CAST: variants seen among roughly 807,000 people sequenced by gnomAD.
CAST encodes MIR583 host.
In CAST, 76 loss-of-function variants were observed where a neutral mutation model predicts 119.6. That is an observed-to-expected ratio of 0.64 (90% confidence interval 0.53 to 0.77). The LOEUF (loss-of-function observed/expected upper bound fraction) is 0.77. Ranked by LOEUF, CAST falls within the 30% of genes least tolerant of loss-of-function variation. CAST has a pLI of 0.00. For synonymous variants in CAST, 319 were observed against 331.6 expected (o/e 0.96, Z 0.41); for missense variants, 953 against 946.5 (o/e 1.01, Z -0.09).
chr5:96,496,231 A>G, the CAST span, among the ~76,000 whole-genome samples: 1 of 152,120 alleles, frequency 6.6e-6, no homozygotes, highest in Non-Finnish European at 1.5e-5. Context: ...TTTTAATTTT[A>G]TCATATTTTG....
chr5:96,162,472 C>T, the CAST span, among the ~76,000 whole-genome samples: 1 of 152,166 alleles, frequency 6.6e-6, no homozygotes, highest in Non-Finnish European at 1.5e-5. Flanking sequence ...GGCTGGAGTG[C>T]AGTGGGGTGA....
chr5:96,006,553 A>T, the CAST span, among the ~76,000 whole-genome samples: 2 of 152,142 alleles, frequency 1.3e-5, no homozygotes. Flanking sequence ...CCTATTTCAT[A>T]GGATTAAGTG....
At chr5:96,408,310 A>T in the CAST span, 1 of 1,613,784 alleles carries the variant, frequency 6.2e-7, no homozygotes, top group Non-Finnish European at 8.5e-7. Context: ...GTCATTGTGC[A>T]GGTCAGCGCT....
rs777985645 is a variant in CAST, at chr5:96,766,116, T to A, written c.2101T>A (p.Tyr701Asn). ...GERDDTIPPEYRHLLDDNGQD... is the reference protein window; with the variant it reads ...GERDDTIPPENRHLLDDNGQD... Reference sequence around the variant, plus strand: ...AAGAGATGACACTATCCCACCTGAATACAGACATCTCCTGGATGATAATGG... The same window carrying A: ...AAGAGATGACACTATCCCACCTGAAAACAGACATCTCCTGGATGATAATGG... The change falls in exon 27 of 32, where the codon TAC (tyrosine) becomes AAC (asparagine). Residue 701 changes from tyrosine (Y) to asparagine (N), a missense_variant. Tyr to Asn is a moderately radical substitution (Grantham distance 143, BLOSUM62 -2). Transcript: ENST00000675179. 1 of 1,609,468 alleles carries A rather than the reference T, an allele frequency of 6.2e-7. No homozygotes were observed.
At chr5:96,003,837 T>C in the CAST span, among the ~76,000 whole-genome samples, 1 of 152,226 alleles carries the variant, frequency 6.6e-6, no homozygotes, top group Non-Finnish European at 1.5e-5. Context: ...CATTTTCAAT[T>C]CTCAGATCTT....
At chr5:95,997,384 T>C in the CAST span, among the ~76,000 whole-genome samples, 1 of 152,136 alleles carries the variant, frequency 6.6e-6, no homozygotes, top group African/African-American at 2.4e-5. Flanking sequence ...AAACAGCATT[T>C]GTGAAATAGT....
intron 3 of CAST, among the ~76,000 whole-genome samples, chr5:96,721,168 T>C (rs1216558011): frequency 6.6e-6 from 1 of 152,162 alleles, no homozygotes; most frequent in Admixed American, 6.6e-5. Flanking sequence ...CATGCCCTGC[T>C]ACAGTGACTG....
chr5:96,625,864 G>C (rs191415653), intron 1 of CAST, among the ~76,000 whole-genome samples: 2 of 152,164 alleles, frequency 1.3e-5, no homozygotes, highest in Non-Finnish European at 2.9e-5. Context: ...AGCAGTGCAG[G>C]CCTATCCCTG....
intron 1 of CAST, among the ~76,000 whole-genome samples, chr5:96,539,813 G>T (rs1444130187): frequency 6.6e-6 from 1 of 152,050 alleles, no homozygotes; most frequent in Non-Finnish European, 1.5e-5. Flanking sequence ...GGCTTCAATT[G>T]GTGTATTTAC....
At chr5:96,325,031 C>T in the CAST span, among the ~76,000 whole-genome samples, 1 of 152,022 alleles carries the variant, frequency 6.6e-6, no homozygotes, top group Admixed American at 6.6e-5. Context: ...ATGGTGAAAC[C>T]TCGTCTCTAC....
the CAST span, among the ~76,000 whole-genome samples, chr5:96,311,931 G>A: frequency 3.3e-5 from 5 of 151,790 alleles, no homozygotes; most frequent in Non-Finnish European, 7.4e-5. Context: ...TATAGGTAAG[G>A]ACTTATTATT....
the CAST span, among the ~76,000 whole-genome samples, chr5:96,428,087 C>T: frequency 3.3e-5 from 5 of 152,130 alleles, no homozygotes; most frequent in Non-Finnish European, 5.9e-5. Flanking sequence ...TACATTCGAA[C>T]ACTGGTGACC....
the CAST span, among the ~76,000 whole-genome samples, chr5:96,249,198 T>A: frequency 7.5e-3 from 1,144 of 152,308 alleles, 9 homozygotes; most frequent in African/African-American, 0.025. Context: ...AATTGACAGG[T>A]TATCTGCCGT....
intron 1 of CAST, among the ~76,000 whole-genome samples, chr5:96,608,820 C>T (rs1376421479): frequency 6.6e-6 from 1 of 152,078 alleles, no homozygotes; most frequent in Non-Finnish European, 1.5e-5. Context: ...TCTTCCAAGG[C>T]CAGAGCAGGC....
the CAST span, among the ~76,000 whole-genome samples, chr5:96,272,617 T>A: frequency 6.6e-6 from 1 of 151,886 alleles, no homozygotes; most frequent in Non-Finnish European, 1.5e-5. Flanking sequence ...AGAGGGGGGA[T>A]GAAGGGAGGC....
At chr5:96,608,851 GT>G (rs1266257621) in intron 1 of CAST, among the ~76,000 whole-genome samples, 30 of 152,084 alleles carry the variant, frequency 2.0e-4, no homozygotes, top group Admixed American at 2.0e-3. Context: ...GCAGGAGGAG[GT>G]GCTACACACT....
chr5:96,743,650 T>C, intron 16 of CAST: 2 of 1,613,396 alleles, frequency 1.2e-6, no homozygotes, highest in Non-Finnish European at 1.7e-6. Context: ...TATCTTCGAC[T>C]TTCTTGGAGG....
At chr5:96,420,081 G>A in the CAST span, among the ~76,000 whole-genome samples, 1 of 152,046 alleles carries the variant, frequency 6.6e-6, no homozygotes, top group Non-Finnish European at 1.5e-5. Context: ...TAACCAAGGG[G>A]GTGGAATGAA....
At chr5:96,636,693 A>G (rs1298606518) in intron 1 of CAST, among the ~76,000 whole-genome samples, 1 of 152,250 alleles carries the variant, frequency 6.6e-6, no homozygotes, top group African/African-American at 2.4e-5. Flanking sequence ...AAGGTTGAGT[A>G]GCATTTGGAA....
Sources: gnomAD v4.1 joint callset for allele counts (sites outside exome capture counted in the v4.1 genomes callset) on GRCh38, gnomAD v4.1.1 for gene constraint, MANE v1.5 for transcripts, NCBI Gene and HGNC (gene_info 2026-07-23, HGNC 2026-07-21) for gene names.